Variants in CDKAL1 observed in about 807,000 individuals in gnomAD.
CDKAL1 encodes the protein threonylcarbamoyladenosine tRNA methylthiotransferase.
A neutral mutation model predicts 68.2 loss-of-function variants in CDKAL1; 32 were observed. The observed-to-expected ratio is 0.47, with a 90% CI of 0.35 to 0.63. CDKAL1 has a LOEUF of 0.63. Ranked by LOEUF, CDKAL1 falls within the 30% of genes least tolerant of loss-of-function variation. The probability of loss-of-function intolerance (pLI) is 0.00; values close to 1 mark genes in which losing one functional copy is unlikely to be tolerated. For synonymous variants in CDKAL1, 234 were observed against 244.3 expected (o/e 0.96, Z 0.39); for missense variants, 606 against 696.7 (o/e 0.87, Z 1.47).
chr6:21,190,782 C>A (rs968746501), intron 13 of CDKAL1, among the ~76,000 whole-genome samples: 12 of 152,174 alleles, frequency 7.9e-5, no homozygotes, highest in African/African-American at 2.9e-4. Context: ...TTTCAAGAAA[C>A]AAATGTCTAT....
chr6:20,688,083 G>A (rs1296436873), intron 5 of CDKAL1, among the ~76,000 whole-genome samples: 1 of 151,884 alleles, frequency 6.6e-6, no homozygotes, highest in Non-Finnish European at 1.5e-5. Flanking sequence ...GAAGTAAAAT[G>A]TAATTCTTAT....
intron 9 of CDKAL1, among the ~76,000 whole-genome samples, chr6:20,855,517 T>G (rs1759290258): frequency 6.7e-6 from 1 of 150,336 alleles, no homozygotes; most frequent in African/African-American, 2.5e-5. Context: ...CTGAAGGGAT[T>G]TATTGGGTGC....
Position 21,232,003 on chromosome 6 carries a change from G to GTTTTTTTTT in CDKAL1, c.*969_*970insTTTTTTTTT, listed in dbSNP as rs71530402. The GTTTTTTTTT allele has an allele frequency of 9.2e-5, 7 of 76,098 alleles. No individual in the cohort carries two copies. The highest frequency in any genetic ancestry group is 5.0e-4 in the Admixed American group (3 of 6,038). The allele number at this position is 76,098 out of a possible 1,614,324, so 4.7% of individuals were successfully genotyped here. A position where few individuals can be genotyped will look rare whatever the true frequency, so the allele number is the denominator to read the frequency against. ...TTTGATCCATTGGGGTTTTTTTTTT[G>GTTTTTTTTT]TTTTTGTTTTTTTTTTTTTTTGAGT... is the stretch of plus-strand genomic sequence containing the variant. On this transcript the variant is annotated 3_prime_UTR_variant, in exon 16 of 16. Transcript: ENST00000274695.
chr6:21,013,652 G>A (rs1276040621), intron 11 of CDKAL1, among the ~76,000 whole-genome samples: 1 of 152,122 alleles, frequency 6.6e-6, no homozygotes, highest in Admixed American at 6.5e-5. Flanking sequence ...GTTAACATTT[G>A]TACTGTCTTC....
rs1317819663 is a variant in CDKAL1 at position 21,047,402 on chromosome 6, C to T, written c.1056-17646C>T. ...TGAATCTCCACTTATTCCTTTCCCACCAGAGCTAACCTCTAGGACGTAAAG... is the reference window on the plus strand; with the variant it reads ...TGAATCTCCACTTATTCCTTTCCCATCAGAGCTAACCTCTAGGACGTAAAG... On this transcript the variant is annotated intron_variant, in intron 11 of 15. Coordinates refer to ENST00000274695, the MANE Select transcript of CDKAL1 (RefSeq NM_017774.3). 2.6e-5 allele frequency among the ~76,000 whole-genome samples: 4 copies of T among 152,152 alleles called. No homozygotes were observed. In the East Asian group the frequency reaches 7.7e-4, roughly 29 times the overall value.
In CDKAL1 at chr6:21,232,156, T is replaced by C. The variant is rs1432423308; in HGVS notation, c.*1117T>C. ...CTAATAGCCAGGGGCTACAGGCATATACCACCATGCCCAACTAATTTTTTA... is the reference window on the plus strand; with the variant it reads ...CTAATAGCCAGGGGCTACAGGCATACACCACCATGCCCAACTAATTTTTTA... On this transcript the variant is annotated 3_prime_UTR_variant, in exon 16 of 16. Transcript: ENST00000274695. The C allele has an allele frequency of 3.3e-5, 5 of 152,076 alleles. No individual in the cohort carries two copies. The highest frequency in any genetic ancestry group is 9.7e-5 in the African/African-American group (4 of 41,408). The allele number at this position is 152,076 out of a possible 1,614,324, so 9.4% of individuals were successfully genotyped here.
intron 4 of CDKAL1, among the ~76,000 whole-genome samples, chr6:20,631,644 G>A (rs548343404): frequency 2.0e-5 from 3 of 152,266 alleles, no homozygotes; most frequent in Admixed American, 6.5e-5. Context: ...GCAAATGTTA[G>A]AACCTCAGCT....
intron 11 of CDKAL1, among the ~76,000 whole-genome samples, chr6:21,031,520 G>A (rs1258595332): frequency 6.6e-6 from 1 of 151,810 alleles, no homozygotes; most frequent in Non-Finnish European, 1.5e-5. Flanking sequence ...GCCTACCAGG[G>A]GCTGGGAGTT....
chr6:20,816,862 T>C (rs1396693051), intron 8 of CDKAL1, among the ~76,000 whole-genome samples: 3 of 152,060 alleles, frequency 2.0e-5, no homozygotes, highest in Admixed American at 6.6e-5. Flanking sequence ...ATCTCAAGAG[T>C]CAGTAGCTAT....
chr6:20,929,398 C>G (rs372360557), intron 9 of CDKAL1, among the ~76,000 whole-genome samples: 11 of 152,156 alleles, frequency 7.2e-5, no homozygotes, highest in African/African-American at 2.7e-4. Context: ...GAAGGGAAAA[C>G]CCAGGAAAGC....
intron 9 of CDKAL1, among the ~76,000 whole-genome samples, chr6:20,854,216 G>A (rs1759201059): frequency 6.6e-6 from 1 of 152,146 alleles, no homozygotes; most frequent in Admixed American, 6.5e-5. Flanking sequence ...TTACAAATCA[G>A]CCAGGTTTCC....
chr6:20,940,795 A>G (rs1031154062), intron 9 of CDKAL1, among the ~76,000 whole-genome samples: 2 of 152,208 alleles, frequency 1.3e-5, no homozygotes, highest in African/African-American at 2.4e-5. Context: ...CTTGGCACTT[A>G]AAGCACATTT....
chr6:20,888,658 A>G (rs953145452), intron 9 of CDKAL1, among the ~76,000 whole-genome samples: 4 of 150,544 alleles, frequency 2.7e-5, no homozygotes, highest in African/African-American at 9.8e-5. Context: ...GCTGAGAATG[A>G]TGATTTCCAG....
At chr6:20,917,961 A>G (rs190550371) in intron 9 of CDKAL1, among the ~76,000 whole-genome samples, 3 of 152,286 alleles carry the variant, frequency 2.0e-5, no homozygotes, top group Admixed American at 2.0e-4. Context: ...ATACAAAAGA[A>G]TTGGCTGGGT....
chr6:20,628,209 A>C (rs951447715), intron 4 of CDKAL1, among the ~76,000 whole-genome samples: 29 of 152,130 alleles, frequency 1.9e-4, no homozygotes, highest in African/African-American at 7.0e-4. Context: ...TCAATGAGTA[A>C]GTCTGATGTT....
At chr6:20,658,638 C>G (rs1304702402) in intron 5 of CDKAL1, among the ~76,000 whole-genome samples, 1 of 129,788 alleles carries the variant, frequency 7.7e-6, no homozygotes, top group African/African-American at 3.4e-5. Context: ...AATATTATTT[C>G]AACTTGAACT....
intron 13 of CDKAL1, among the ~76,000 whole-genome samples, chr6:21,134,128 G>A (rs1217891135): frequency 2.6e-5 from 4 of 152,112 alleles, no homozygotes; most frequent in Non-Finnish European, 5.9e-5. Flanking sequence ...CCCCTGCTGT[G>A]TGATAATGTC....
intron 13 of CDKAL1, among the ~76,000 whole-genome samples, chr6:21,126,185 A>C (rs1231443167): frequency 1.3e-5 from 2 of 152,184 alleles, no homozygotes; most frequent in African/African-American, 4.8e-5. Flanking sequence ...TTTAAAATCG[A>C]TCTTTCTATT....
chr6:20,813,223 C>T (rs1339917826), intron 8 of CDKAL1, among the ~76,000 whole-genome samples: 1 of 152,128 alleles, frequency 6.6e-6, no homozygotes, highest in Non-Finnish European at 1.5e-5. Context: ...CTAGATTACA[C>T]AGCCATGGGC....
Sources: allele counts gnomAD v4.1 joint callset (sites outside exome capture counted in the v4.1 genomes callset), GRCh38; gene constraint gnomAD v4.1.1; transcripts MANE v1.5; gene names NCBI Gene and HGNC (gene_info 2026-07-23, HGNC 2026-07-21).